Variants in ARHGEF10 observed in about 807,000 individuals in gnomAD.
ARHGEF10 encodes Rho guanine nucleotide exchange factor 10.
A neutral mutation model predicts 147.4 loss-of-function variants in ARHGEF10; 140 were observed. The observed-to-expected ratio is 0.95, with a 90% CI of 0.83 to 1.09. The LOEUF is 1.09. Among genes scored for constraint, ARHGEF10 ranks in the 50% least tolerant of loss-of-function variants. ARHGEF10 has a pLI of 0.00. For synonymous variants in ARHGEF10, 902 were observed against 695.8 expected, an observed-to-expected ratio of 1.30 and a Z score of -4.67; for missense variants, 2,222 against 1,752.7, an observed-to-expected ratio of 1.27 and a Z score of -4.78.
At chr8:1,952,131 C>T (rs557157296) in intron 27 of ARHGEF10, among the ~76,000 whole-genome samples, 16 of 152,350 alleles carry the variant, frequency 1.1e-4, no homozygotes, top group East Asian at 1.9e-4. Flanking sequence ...CACCATCCAC[C>T]GTGATGTTTC....
chr8:1,837,305 C>A (rs942194402), intron 1 of ARHGEF10, among the ~76,000 whole-genome samples: 2 of 152,238 alleles, frequency 1.3e-5, no homozygotes, highest in African/African-American at 4.8e-5. Context: ...TGCAGACTTG[C>A]AGAGCTGATG....
At chr8:1,942,386 A>G (rs538310580) in intron 26 of ARHGEF10, among the ~76,000 whole-genome samples, 1 of 151,890 alleles carries the variant, frequency 6.6e-6, no homozygotes, top group Non-Finnish European at 1.5e-5. Flanking sequence ...TTAGGGAATC[A>G]TGGAGCGAAA....
intron 2 of ARHGEF10, among the ~76,000 whole-genome samples, 189 bp downstream of exon 2, chr8:1,843,625 C>T: frequency 6.6e-6 from 1 of 152,188 alleles, no homozygotes; most frequent in Middle Eastern, 3.2e-3. Context: ...CGGGGGCATC[C>T]TGGGTGAGCC....
rs1199252580 is a variant in ARHGEF10, at chr8:1,888,788, AGTATTGTGAGGAGACACTGAGTG to A, written c.1182+3083_1182+3105del. On this transcript the variant is annotated intron_variant, in intron 11 of 28. Transcript: ENST00000349830. ...TTGTGAGGAGACACTGAGTGGGGTG[AGTATTGTGAGGAGACACTGAGTG>A]GGGTGAGAGTTATGAGGAGACACTG... Among the ~76,000 whole-genome samples the A allele has an allele frequency of 7.5e-5, 6 of 80,040 alleles. 1 individual carries two copies. The highest frequency in any genetic ancestry group is 3.1e-4 in the Admixed American group (2 of 6,426). The allele number at this position is 80,040 out of a possible 152,430, so 52.5% of individuals were successfully genotyped here.
Position 1,945,605 on chromosome 8 carries a change from A to G in ARHGEF10, c.3347A>G (p.Lys1116Arg). The change falls in exon 27 of 29, where the codon AAG becomes AGG. Residue 1116 changes from lysine (K) to arginine (R), a missense_variant. Lys to Arg is a conservative substitution (Grantham distance 26). Transcript: ENST00000349830. Reference protein sequence around the residue: ...TLRLFHTETLKHLQDINIATP... With the variant: ...TLRLFHTETLRHLQDINIATP... ...CGCCTTTTTCACACGGAAACTCTCA[A>G]GCACCTGCAGGACATCAACATCGCC... 1 of 1,614,190 alleles carries G rather than the reference A, an allele frequency of 6.2e-7. No homozygotes were observed. The highest frequency in any genetic ancestry group is 8.5e-7 in the Non-Finnish European group (1 of 1,180,024).
At chr8:1,882,511 C>A (rs539456136) in intron 9 of ARHGEF10, 124 bp from the exon 10 acceptor site, 9 of 838,852 alleles carry the variant, frequency 1.1e-5, no homozygotes, top group Middle Eastern at 2.2e-4. Flanking sequence ...TAGCCCAGAA[C>A]TGCACGTGAC....
At chr8:1,882,607 C>G in intron 9 of ARHGEF10, 28 bp from the exon 10 acceptor site, 2 of 1,539,830 alleles carry the variant, frequency 1.3e-6, no homozygotes, top group African/African-American at 1.4e-5. Flanking sequence ...GCCGCCGTCC[C>G]GTTCTCACAT....
At chr8:1,920,361 T>C (rs773351012) in intron 18 of ARHGEF10, among the ~76,000 whole-genome samples, 3 of 152,226 alleles carry the variant, frequency 2.0e-5, no homozygotes, top group Non-Finnish European at 4.4e-5. Context: ...CTTGTTTGGA[T>C]GCCCAGGCTG....
At chr8:1,875,989 A>G (rs1302109296) in intron 7 of ARHGEF10, 2 of 159,414 alleles carry the variant, frequency 1.3e-5, no homozygotes, top group Admixed American at 5.9e-5. Flanking sequence ...AGACACTCAT[A>G]TTCTGGGAGT....
intron 11 of ARHGEF10, 47 bp from the exon 12 acceptor site, chr8:1,893,522 G>A (rs1366031914): frequency 1.6e-6 from 2 of 1,230,068 alleles, no homozygotes; most frequent in Non-Finnish European, 2.4e-6. Context: ...GTATCTGTGT[G>A]TATTATAAAG....
At chr8:1,919,539 TC>T (rs1383960706) in intron 18 of ARHGEF10, among the ~76,000 whole-genome samples, 2 of 147,078 alleles carry the variant, frequency 1.4e-5, no homozygotes, top group Non-Finnish European at 3.0e-5. Flanking sequence ...AACTGTTCTG[TC>T]GAGTGATGGA....
intron 7 of ARHGEF10, chr8:1,869,771 G>A (rs1806935762): frequency 4.9e-6 from 1 of 202,846 alleles, no homozygotes; most frequent in South Asian, 7.8e-5. Flanking sequence ...GAGAGCAACT[G>A]GAGAGAAAAC....
intron 1 of ARHGEF10, among the ~76,000 whole-genome samples, chr8:1,826,820 C>T (rs774364581): frequency 3.9e-5 from 6 of 152,160 alleles, no homozygotes; most frequent in Non-Finnish European, 1.5e-5. Flanking sequence ...GTGTTTCATG[C>T]GTGCGTTGCT....
intron 22 of ARHGEF10, 133 bp from the exon 23 acceptor site, chr8:1,926,244 T>C (rs1211187948): frequency 1.3e-6 from 1 of 781,204 alleles, no homozygotes; most frequent in Admixed American, 2.1e-5. Context: ...CCTATTTTAA[T>C]CTTTGGTAGG....
At position 1,952,734 on chromosome 8, in the gene ARHGEF10, C is replaced by G; in HGVS notation, c.3427C>G (p.Leu1143Val). The change falls in exon 28 of 29, where the codon CTC (leucine) becomes GTC (valine). Residue 1143 changes from leucine to valine, a missense_variant. Physicochemically the swap from Leu to Val is conservative, Grantham distance 32. Transcript: ENST00000349830. ...CCAGCGGCTGTCGGTGACGAGCCTGCTCGTCTGCCACGGATTGCTGATGGT... is the reference window on the plus strand; with the variant it reads ...CCAGCGGCTGTCGGTGACGAGCCTGGTCGTCTGCCACGGATTGCTGATGGT... Reference protein sequence around the residue: ...GHQRLSVTSLLVCHGLLMVGT... With the variant: ...GHQRLSVTSLVVCHGLLMVGT... 1 of 1,613,292 alleles carries G rather than the reference C, an allele frequency of 6.2e-7. No homozygotes were observed. The highest frequency in any genetic ancestry group is 8.5e-7 in the Non-Finnish European group (1 of 1,180,012).
intron 18 of ARHGEF10, among the ~76,000 whole-genome samples, chr8:1,916,447 G>T (rs570805807): frequency 6.6e-6 from 1 of 152,194 alleles, no homozygotes; most frequent in Non-Finnish European, 1.5e-5. Context: ...TGATGTTCAC[G>T]TTATAAAATG....
intron 17 of ARHGEF10, 85 bp from the exon 18 acceptor site, chr8:1,909,210 T>C (rs887091012): frequency 2.7e-5 from 43 of 1,577,226 alleles, no homozygotes; most frequent in Non-Finnish European, 1.9e-5. Flanking sequence ...GTGGGAAGTT[T>C]CTCACTTGAA....
intron 1 of ARHGEF10, chr8:1,826,109 A>G (rs770412527): frequency 1.2e-5 from 19 of 1,594,710 alleles, no homozygotes; most frequent in Non-Finnish European, 1.5e-5. Context: ...CTTTATAGAC[A>G]GATGAGACCT....
At chr8:1,927,052 G>A (rs903333220) in intron 23 of ARHGEF10, 4 of 176,584 alleles carry the variant, frequency 2.3e-5, no homozygotes, top group South Asian at 1.2e-4. Context: ...CAGGCGTCCT[G>A]TGCAGCACGC....
Sources: gnomAD v4.1 joint callset for allele counts (sites outside exome capture counted in the v4.1 genomes callset) on GRCh38, gnomAD v4.1.1 for gene constraint, MANE v1.5 for transcripts, NCBI Gene and HGNC (gene_info 2026-07-23, HGNC 2026-07-21) for gene names.